The following MEMO1 variants were observed in gnomAD, a reference collection of about 807,000 sequenced individuals.
MEMO1 encodes the protein protein MEMO1.
Under a neutral mutation model 45.2 loss-of-function variants are expected in MEMO1, and 6 were observed. The ratio of observed to expected loss-of-function variants is 0.13; its 90% confidence interval spans 0.07 to 0.26. The LOEUF (loss-of-function observed/expected upper bound fraction) is 0.26. MEMO1 is among the 10% of genes least tolerant of loss of function. The pLI is 1.00. For missense variants in MEMO1, 184 were observed against 370.5 expected (o/e 0.50, Z 4.13); for synonymous variants, 78 against 124.3 (o/e 0.63, Z 2.48).
rs536703718 is a variant in MEMO1 at position 31,996,021 on chromosome 2, T to G, written c.61+14166A>C. Reference sequence around the variant, plus strand: ...TAATACCTACCAAACTACCTTTCAATAAAGAAGGGCGTAACGATAGAGTGA... The same window carrying G: ...TAATACCTACCAAACTACCTTTCAAGAAAGAAGGGCGTAACGATAGAGTGA... On this transcript the variant is annotated intron_variant, in intron 2 of 9. Transcript: ENST00000404530. Among the ~76,000 whole-genome samples, 163 of 152,242 alleles carry G rather than the reference T, an allele frequency of 1.1e-3. 1 individual carries two copies. Among genetic ancestry groups the G allele is most frequent in the African/African-American group, 3.9e-3 (161 of 41,544 alleles).
At chr2:31,957,412 G>A (rs760987676) in intron 2 of MEMO1, among the ~76,000 whole-genome samples, 1 of 152,164 alleles carries the variant, frequency 6.6e-6, no homozygotes, top group African/African-American at 2.4e-5. Context: ...ACAAATCATT[G>A]TTGAACCTAA....
intron 6 of MEMO1, among the ~76,000 whole-genome samples, chr2:31,904,980 T>G (rs766824864): frequency 1.4e-4 from 22 of 152,144 alleles, no homozygotes; most frequent in Admixed American, 2.6e-4. Context: ...ATGCCTGTAA[T>G]CCCAGCACTT....
At chr2:31,902,458 A>T (rs1344108122) in intron 6 of MEMO1, among the ~76,000 whole-genome samples, 1 of 151,976 alleles carries the variant, frequency 6.6e-6, no homozygotes, top group Non-Finnish European at 1.5e-5. Context: ...TATAAATCAT[A>T]CCTCAATAAA....
chr2:32,002,184 T>TACACACACACACACAC (rs1468566168), intron 2 of MEMO1, among the ~76,000 whole-genome samples: 4 of 116,972 alleles, frequency 3.4e-5, no homozygotes, highest in African/African-American at 1.3e-4. Context: ...TATATATATA[T>TACACACACACACACAC]ATACACACAC....
intron 3 of MEMO1, among the ~76,000 whole-genome samples, chr2:31,938,602 C>G (rs1304335950): frequency 4.6e-5 from 7 of 151,616 alleles, no homozygotes; most frequent in Non-Finnish European, 1.0e-4. Flanking sequence ...GAGCTGAGAT[C>G]GCGCCACTGC....
intron 6 of MEMO1, among the ~76,000 whole-genome samples, chr2:31,914,950 C>T (rs1681200096): frequency 7.2e-6 from 1 of 138,568 alleles, no homozygotes; most frequent in Admixed American, 7.5e-5. Flanking sequence ...GAATGAGACC[C>T]TGTCTCTTTT....
intron 4 of MEMO1, among the ~76,000 whole-genome samples, chr2:31,926,692 C>T (rs1016683910): frequency 1.3e-5 from 2 of 151,628 alleles, no homozygotes; most frequent in African/African-American, 4.8e-5. Flanking sequence ...ACTAAAAATA[C>T]AAAAATTAGC....
intron 3 of MEMO1, among the ~76,000 whole-genome samples, chr2:31,937,023 T>G (rs79910415): frequency 0.029 from 4,443 of 152,282 alleles, 108 homozygotes; most frequent in Non-Finnish European, 0.046. Flanking sequence ...ATTAGAAAAC[T>G]CCTCTGAACA....
intron 1 of MEMO1, among the ~76,000 whole-genome samples, 163 bp downstream of exon 1, chr2:32,010,779 G>A (rs535881132): frequency 2.0e-5 from 3 of 150,046 alleles, no homozygotes; most frequent in East Asian, 2.0e-4. Context: ...CCTCCCGGCC[G>A]CGCGGCGAGG....
intron 6 of MEMO1, among the ~76,000 whole-genome samples, chr2:31,902,693 C>T (rs1679043390): frequency 6.6e-6 from 1 of 152,052 alleles, no homozygotes; most frequent in Non-Finnish European, 1.5e-5. Context: ...ATGTATCAAT[C>T]CAAGATAAAA....
chr2:31,936,394 C>A (rs960755667), intron 3 of MEMO1, among the ~76,000 whole-genome samples: 3 of 152,204 alleles, frequency 2.0e-5, no homozygotes, highest in Non-Finnish European at 2.9e-5. Context: ...TTAATACCTA[C>A]AACATTTTAT....
intron 3 of MEMO1, 122 bp downstream of exon 3, chr2:31,943,180 G>C (rs561980106): frequency 1.3e-6 from 1 of 743,088 alleles, no homozygotes; most frequent in Non-Finnish European, 2.3e-6. Flanking sequence ...CAGGAGAGTC[G>C]CTTGAACCTG....
At chr2:31,937,763 AG>A (rs924812484) in intron 3 of MEMO1, among the ~76,000 whole-genome samples, 2 of 152,190 alleles carry the variant, frequency 1.3e-5, no homozygotes, top group African/African-American at 4.8e-5. Flanking sequence ...TAAATGTATA[AG>A]GGGGGCTTCA....
At chr2:31,874,201 T>C (rs1204500597) in intron 8 of MEMO1, among the ~76,000 whole-genome samples, 2 of 152,124 alleles carry the variant, frequency 1.3e-5, no homozygotes, top group African/African-American at 2.4e-5. Flanking sequence ...ATAAAAATGA[T>C]AACCTATGAC....
intron 3 of MEMO1, among the ~76,000 whole-genome samples, chr2:31,939,096 T>G (rs985832777): frequency 9.6e-6 from 1 of 104,630 alleles, no homozygotes; most frequent in Admixed American, 1.2e-4. Context: ...AATGAAAGAT[T>G]TGTTTTCTAC....
rs866547262 is a variant in MEMO1 at position 31,882,511 on chromosome 2, A to G, written c.657+875T>C. ...TTTTAGATTTTGAGAGCTTCTAAAA[A>G]TTTGAAGGAAAAAAAAAGTAGTTCC... is the stretch of plus-strand genomic sequence containing the variant. On this transcript the variant is annotated intron_variant, in intron 8 of 9. Transcript: ENST00000404530. Among the ~76,000 whole-genome samples, 11 of 152,242 alleles carry G rather than the reference A, an allele frequency of 7.2e-5. 1 individual carries two copies. Among genetic ancestry groups the G allele is most frequent in the Middle Eastern group, 3.4e-3 (1 of 294 alleles).
chr2:31,879,074 T>A (rs1418284347), intron 8 of MEMO1, among the ~76,000 whole-genome samples: 2 of 152,210 alleles, frequency 1.3e-5, no homozygotes, highest in Non-Finnish European at 2.9e-5. Context: ...TCCCTGGATC[T>A]CGTCATCTAC....
intron 2 of MEMO1, among the ~76,000 whole-genome samples, chr2:31,966,109 A>T (rs1412382391): frequency 1.3e-5 from 2 of 152,234 alleles, no homozygotes; most frequent in Admixed American, 1.3e-4. Flanking sequence ...TACTAAACAA[A>T]CAAGAGCTCA....
intron 2 of MEMO1, among the ~76,000 whole-genome samples, chr2:32,005,961 G>A (rs574271261): frequency 2.6e-5 from 4 of 152,308 alleles, no homozygotes; most frequent in African/African-American, 9.6e-5. Flanking sequence ...CAAAAGAGGA[G>A]TAGGAATTAT....
Sources: gnomAD v4.1 joint callset for allele counts (sites outside exome capture counted in the v4.1 genomes callset) on GRCh38, gnomAD v4.1.1 for gene constraint, MANE v1.5 for transcripts, NCBI Gene and HGNC (gene_info 2026-07-23, HGNC 2026-07-21) for gene names.